Variants in CARNMT1 observed in about 807,000 individuals in gnomAD.
CARNMT1 encodes the protein carnosine N-methyltransferase 1.
In CARNMT1, 28 loss-of-function variants were observed where a neutral mutation model predicts 49.6. The ratio of observed to expected loss-of-function variants is 0.56; its 90% CI spans 0.42 to 0.77. The LOEUF (loss-of-function observed/expected upper bound fraction) is 0.77. Ranked by LOEUF, CARNMT1 falls within the 30% of genes least tolerant of loss-of-function variation. The pLI is 0.00. For synonymous variants in CARNMT1, 178 were observed against 175.0 expected (o/e 1.02, Z -0.13); for missense variants, 421 against 512.6 (o/e 0.82, Z 1.73).
intron 6 of CARNMT1, among the ~76,000 whole-genome samples, chr9:74,992,783 T>A (rs145239248): frequency 1.4e-4 from 21 of 152,334 alleles, no homozygotes; most frequent in Non-Finnish European, 1.5e-4. Context: ...TCATATATAA[T>A]TTTACCTCCA....
chr9:74,989,022 G>A (rs1054141203), intron 6 of CARNMT1, among the ~76,000 whole-genome samples: 4 of 152,286 alleles, frequency 2.6e-5, no homozygotes, highest in Admixed American at 1.3e-4. Flanking sequence ...GAATATGATA[G>A]GTGAAAAATG....
intron 6 of CARNMT1, among the ~76,000 whole-genome samples, chr9:74,990,207 T>C (rs1049255779): frequency 1.3e-5 from 2 of 152,144 alleles, no homozygotes; most frequent in African/African-American, 4.8e-5. Flanking sequence ...CCTAACAAAC[T>C]GTGCACAGTA....
At chr9:75,018,725 T>C (rs1833920181) in intron 1 of CARNMT1, among the ~76,000 whole-genome samples, 1 of 152,132 alleles carries the variant, frequency 6.6e-6, no homozygotes, top group Admixed American at 6.6e-5. Context: ...CTTGGCACTT[T>C]GGGAGGCCAA....
intron 1 of CARNMT1, among the ~76,000 whole-genome samples, chr9:75,018,520 T>C (rs907751511): frequency 6.6e-6 from 1 of 152,206 alleles, no homozygotes; most frequent in Non-Finnish European, 1.5e-5. Flanking sequence ...GGTAAGTGCA[T>C]ACATCAGCGC....
chr9:75,020,449 G>A (rs142689058), intron 1 of CARNMT1, among the ~76,000 whole-genome samples: 7,344 of 151,674 alleles, frequency 0.048, 230 homozygotes, highest in Middle Eastern at 0.093. Context: ...TGTATTTTTA[G>A]TAGAGACGGG....
At chr9:75,002,184 T>G (rs1354812490) in intron 3 of CARNMT1, among the ~76,000 whole-genome samples, 1 of 152,198 alleles carries the variant, frequency 6.6e-6, no homozygotes, top group Non-Finnish European at 1.5e-5. Context: ...TAGATCACAC[T>G]TCCATCAACC....
intron 3 of CARNMT1, among the ~76,000 whole-genome samples, chr9:75,013,021 A>G (rs1260980585): frequency 1.3e-5 from 2 of 152,156 alleles, no homozygotes; most frequent in Non-Finnish European, 2.9e-5. Flanking sequence ...ATTTCAACTG[A>G]TACTTCTTTT....
chr9:75,023,510 C>G (rs1164689236), intron 1 of CARNMT1, among the ~76,000 whole-genome samples: 1 of 152,174 alleles, frequency 6.6e-6, no homozygotes, highest in Non-Finnish European at 1.5e-5. Context: ...CTACACAGAG[C>G]AGGATGAGAT....
At chr9:75,027,536 C>T (rs1822566409) in intron 1 of CARNMT1, 9 of 910,788 alleles carry the variant, frequency 9.9e-6, no homozygotes, top group Non-Finnish European at 1.2e-5. Flanking sequence ...ACTGCTCTTA[C>T]AAGCACTGGT....
In CARNMT1 at chr9:74,985,026, A is replaced by G. The variant is rs760438978; in HGVS notation, c.1025-16T>C. 1.1e-5 allele frequency: 17 copies of G among 1,542,566 alleles called. No individual in the cohort carries two copies. Among genetic ancestry groups the G allele is most frequent in the Non-Finnish European group, 1.5e-5 (17 of 1,115,206 alleles). The stretch of plus-strand genomic sequence containing the variant: ...AGCAGAGGACCTATGGTTTAAAGAT[A>G]CTATGAATTACTTGAATATAAACAT... On this transcript the variant is annotated splice_polypyrimidine_tract_variant and intron_variant, in intron 6 of 7. Transcript: ENST00000376834.
intron 6 of CARNMT1, among the ~76,000 whole-genome samples, chr9:74,986,791 TATTTTAACACTC>T (rs1357198977): frequency 6.6e-6 from 1 of 152,224 alleles, no homozygotes; most frequent in East Asian, 1.9e-4. Context: ...TAATGTGGCA[TATTTTAACACTC>T]ATTTAATGCT....
intron 3 of CARNMT1, chr9:75,009,898 T>C (rs1299874077): frequency 1.3e-5 from 2 of 152,136 alleles, no homozygotes; most frequent in Non-Finnish European, 2.9e-5. Context: ...AATGTAAGAA[T>C]CATTAGGTAG....
intron 3 of CARNMT1, among the ~76,000 whole-genome samples, chr9:75,007,012 G>A (rs1366022114): frequency 6.6e-6 from 1 of 152,132 alleles, no homozygotes; most frequent in Non-Finnish European, 1.5e-5. Context: ...AAATGATGTT[G>A]ATATAAACAT....
rs1266043017 is a variant in CARNMT1 at position 75,016,256 on chromosome 9, G to A, written c.590+12C>T. 3 of 1,589,872 alleles carry A rather than the reference G, an allele frequency of 1.9e-6. No homozygotes were observed. In the East Asian group the frequency reaches 6.7e-5, roughly 36 times the overall value. On this transcript the variant is annotated intron_variant, in intron 3 of 7. Coordinates refer to ENST00000376834, the MANE Select transcript of CARNMT1 (RefSeq NM_152420.3). Reference sequence around the variant, plus strand: ...ACTTTAAAAACTTGGTTAAAAATGAGGTACTATTTACCATCTCTCTTTTGG... The same window carrying A: ...ACTTTAAAAACTTGGTTAAAAATGAAGTACTATTTACCATCTCTCTTTTGG...
intron 3 of CARNMT1, among the ~76,000 whole-genome samples, chr9:75,004,750 G>T (rs560403764): frequency 5.7e-4 from 87 of 152,148 alleles, no homozygotes; most frequent in African/African-American, 1.7e-3. Context: ...CTATATAAAA[G>T]AAAAAACGAA....
intron 1 of CARNMT1, among the ~76,000 whole-genome samples, chr9:75,019,669 G>A (rs7849412): frequency 0.13 from 19,332 of 152,170 alleles, 1,427 homozygotes; most frequent in East Asian, 0.26. Flanking sequence ...CCAACTACCA[G>A]CTGAAGAATC....
intron 3 of CARNMT1, among the ~76,000 whole-genome samples, chr9:75,004,330 T>C (rs1314521791): frequency 1.3e-5 from 2 of 152,262 alleles, no homozygotes; most frequent in African/African-American, 4.8e-5. Flanking sequence ...AAATGGCATC[T>C]TAACGTGGTT....
chr9:75,017,570 A>T, intron 1 of CARNMT1, 122 bp from the exon 2 acceptor site: 1 of 788,990 alleles, frequency 1.3e-6, no homozygotes. Flanking sequence ...CCTATCATTT[A>T]CAATCTCTTG....
At chr9:74,999,999 T>C (rs1833307223) in intron 3 of CARNMT1, 129 bp from the exon 4 acceptor site, 4 of 713,726 alleles carry the variant, frequency 5.6e-6, no homozygotes, top group Non-Finnish European at 8.8e-6. Flanking sequence ...CTTCTCACAA[T>C]CAAGAAATAC....
Sources: allele counts gnomAD v4.1 joint callset (sites outside exome capture counted in the v4.1 genomes callset), GRCh38; gene constraint gnomAD v4.1.1; transcripts MANE v1.5; gene names NCBI Gene and HGNC (gene_info 2026-07-23, HGNC 2026-07-21).